The following KRTAP8-1 variants were observed in gnomAD, a reference collection of about 807,000 sequenced individuals.
The protein encoded by KRTAP8-1 is keratin-associated protein 8-1.
Under a neutral mutation model 5.5 loss-of-function variants are expected in KRTAP8-1, and 4 were observed. That is an observed-to-expected ratio of 0.73 (90% CI 0.36 to 1.67). The LOEUF (loss-of-function observed/expected upper bound fraction) is 1.67, where lower values mean the gene tolerates loss of function less well. Among genes scored for constraint, KRTAP8-1 ranks in the 40% most tolerant of loss-of-function variants. KRTAP8-1 has a pLI of 0.05. For missense variants in KRTAP8-1, 79 were observed against 80.3 expected, an observed-to-expected ratio of 0.98 and a Z score of 0.06; for synonymous variants, 35 against 34.6, an observed-to-expected ratio of 1.01 and a Z score of -0.04.
Position 30,813,157 on chromosome 21 carries a change from G to T in KRTAP8-1, c.64C>A (p.Pro22Thr). The change falls in exon 1 of 1, where the codon CCG (proline) becomes ACG (threonine). Residue 22 changes from proline (P) to threonine (T), a missense_variant. Physicochemically the swap from Pro to Thr is conservative, Grantham distance 38 (BLOSUM62 -1). Coordinates refer to ENST00000329621, the MANE Select transcript of KRTAP8-1 (RefSeq NM_175857.4). ...CCACAGCCAACGCTATATCCCAGCGGGTAGCCATAGCTGCCCCAGTAGCAT... is the reference window on the plus strand; with the variant it reads ...CCACAGCCAACGCTATATCCCAGCGTGTAGCCATAGCTGCCCCAGTAGCAT... ...PGCYWGSYGY[P>T]LGYSVGCGYG... 6.2e-7 allele frequency: 1 copy of T among 1,614,092 alleles called. No homozygotes were observed. Among genetic ancestry groups the T allele is most frequent in the East Asian group, 2.2e-5 (1 of 44,876 alleles).
In KRTAP8-1 at chr21:30,813,196, C is replaced by G; in HGVS notation, c.25G>C (p.Ala9Pro). Residue 9 changes from alanine (A) to proline (P), a missense_variant, in exon 1 of 1, where the codon GCT (alanine) becomes CCT (proline). Physicochemically the swap from Ala to Pro is conservative, Grantham distance 27. Transcript: ENST00000329621. Reference sequence around the variant, plus strand: ...CCCCAGTAGCATCCTGGGAAGACAGCCCCGGGGAAGTTGTCGCAGAGCATG... The same window carrying G: ...CCCCAGTAGCATCCTGGGAAGACAGGCCCGGGGAAGTTGTCGCAGAGCATG... MLCDNFPG[A>P]VFPGCYWGSY... is the part of the protein sequence containing the mutation. 1 of 1,613,934 alleles carries G rather than the reference C, an allele frequency of 6.2e-7. No individual in the cohort carries two copies. Among genetic ancestry groups the G allele is most frequent in the Non-Finnish European group, 8.5e-7 (1 of 1,179,894 alleles).
At position 30,813,070 on chromosome 21, in the gene KRTAP8-1, C is replaced by T. The variant is rs1568945121; in HGVS notation, c.151G>A (p.Ala51Thr). The T allele has an allele frequency of 6.2e-7, 1 of 1,614,058 alleles. No homozygotes were observed. The highest frequency in any genetic ancestry group is 8.5e-7 in the Non-Finnish European group (1 of 1,179,960). ...GGCGAGTATCTCCTGTAGCCGAAAG[C>T]CCCACAGCCGTTGTAGCCATAGCCG... Reference protein sequence around the residue: ...GFGYGYNGCGAFGYRRYSPFA... With the variant: ...GFGYGYNGCGTFGYRRYSPFA... The change falls in exon 1 of 1, where the codon GCT becomes ACT. Residue 51 changes from alanine (A) to threonine (T), a missense_variant. Ala to Thr is a moderately conservative substitution (Grantham distance 58). Transcript: ENST00000329621.
Position 30,813,081 on chromosome 21 carries a change from T to C in KRTAP8-1, c.140A>G (p.Asn47Ser), listed in dbSNP as rs750793465. The change falls in exon 1 of 1, where the codon AAC becomes AGC. Residue 47 changes from asparagine to serine, a missense_variant. Coordinates refer to ENST00000329621, the MANE Select transcript of KRTAP8-1 (RefSeq NM_175857.4). Reference protein sequence around the residue: ...PVGYGFGYGYNGCGAFGYRRY... With the variant: ...PVGYGFGYGYSGCGAFGYRRY... The stretch of plus-strand genomic sequence containing the variant: ...CCTGTAGCCGAAAGCCCCACAGCCG[T>C]TGTAGCCATAGCCGAAGCCATAGCC... 3.7e-6 allele frequency: 6 copies of C among 1,613,996 alleles called. No homozygotes were observed. In the East Asian group the frequency reaches 1.3e-4, roughly 36 times the overall value.
At position 30,812,738 on chromosome 21, in the gene KRTAP8-1, C is replaced by T. The variant is rs1383622489; in HGVS notation, c.*291G>A. 1.1e-5 allele frequency: 3 copies of T among 273,386 alleles called. No homozygotes were observed. Among genetic ancestry groups the T allele is most frequent in the Admixed American group, 9.8e-5 (2 of 20,376 alleles). 16.9% of individuals were successfully genotyped at this position (273,386 alleles called of 1,614,324 possible). ...TTTATTGAGATTTTGATAGACATAT[C>T]CATGACTTCATCACAAGTCATGAGT... On this transcript the variant is annotated 3_prime_UTR_variant, in exon 1 of 1. Transcript: ENST00000329621.
chr21:30,813,242 A>G lies in KRTAP8-1; in HGVS notation c.-22T>C, dbSNP rs1282076371. 5.0e-6 allele frequency: 8 copies of G among 1,610,336 alleles called. No homozygotes were observed. The highest frequency in any genetic ancestry group is 5.9e-6 in the Non-Finnish European group (7 of 1,177,874). On this transcript the variant is annotated 5_prime_UTR_variant, in exon 1 of 1. Transcript: ENST00000329621. ...GCATGGTGTCGGGAGTGGAGGGCTT[A>G]GGTAGCAACAGAGTGCGTTTCCTCA...
rs1049974780 is a variant in KRTAP8-1 at position 30,812,846 on chromosome 21, G to A, written c.*183C>T. 2.6e-5 allele frequency: 14 copies of A among 530,276 alleles called. No individual in the cohort carries two copies. The highest frequency in any genetic ancestry group is 2.3e-4 in the African/African-American group (12 of 51,982). The allele number at this position is 530,276 out of a possible 1,614,324, so 32.8% of individuals were successfully genotyped here. A position where few individuals can be genotyped will look rare whatever the true frequency, so the allele number is the denominator to read the frequency against. ...TCCCAGAGAACATCAGCCAGGGGAG[G>A]CAGCTTGAGGAAGCGTCTGCTTTTT... is the stretch of plus-strand genomic sequence containing the variant. On this transcript the variant is annotated 3_prime_UTR_variant, in exon 1 of 1. Coordinates refer to ENST00000329621, the MANE Select transcript of KRTAP8-1 (RefSeq NM_175857.4).
In KRTAP8-1 at chr21:30,812,872, C is replaced by A. The variant is rs1254395371; in HGVS notation, c.*157G>T. 1 of 673,588 alleles carries A rather than the reference C, an allele frequency of 1.5e-6. No homozygotes were observed. Among genetic ancestry groups the A allele is most frequent in the East Asian group, 3.0e-5 (1 of 33,730 alleles). 41.7% of individuals were successfully genotyped at this position (673,588 alleles called of 1,614,324 possible). Reference sequence around the variant, plus strand: ...CAGCTTGAGGAAGCGTCTGCTTTTTCATTTTCCTCCCCTGGGACTCGAGGT... The same window carrying A: ...CAGCTTGAGGAAGCGTCTGCTTTTTAATTTTCCTCCCCTGGGACTCGAGGT... On this transcript the variant is annotated 3_prime_UTR_variant, in exon 1 of 1. Transcript: ENST00000329621.
In KRTAP8-1 at chr21:30,812,918, T is replaced by C. The variant is rs1313135677; in HGVS notation, c.*111A>G. 16 of 1,047,720 alleles carry C rather than the reference T, an allele frequency of 1.5e-5. No individual in the cohort carries two copies. In the Middle Eastern group the frequency reaches 7.0e-4, roughly 46 times the overall value. The allele number at this position is 1,047,720 out of a possible 1,614,324, so 64.9% of individuals were successfully genotyped here. A position where few individuals can be genotyped will look rare whatever the true frequency, so the allele number is the denominator to read the frequency against. On this transcript the variant is annotated 3_prime_UTR_variant, in exon 1 of 1. Coordinates refer to ENST00000329621, the MANE Select transcript of KRTAP8-1 (RefSeq NM_175857.4). ...GAGGTAAGTTGGAAAGCAGTGTCTCTGAGGTTGATGAGCAAATGAGGACTG... is the reference window on the plus strand; with the variant it reads ...GAGGTAAGTTGGAAAGCAGTGTCTCCGAGGTTGATGAGCAAATGAGGACTG...
Position 30,812,826 on chromosome 21 carries a change from G to T in KRTAP8-1, c.*203C>A, listed in dbSNP as rs901359301. On this transcript the variant is annotated 3_prime_UTR_variant, in exon 1 of 1. Coordinates refer to ENST00000329621, the MANE Select transcript of KRTAP8-1 (RefSeq NM_175857.4). ...AGGTCAAATTTCCGAAAATGTCCCA[G>T]AGAACATCAGCCAGGGGAGGCAGCT... 12 of 493,502 alleles carry T rather than the reference G, an allele frequency of 2.4e-5. No homozygotes were observed. The highest frequency in any genetic ancestry group is 1.9e-4 in the African/African-American group (10 of 51,540). 30.6% of individuals were successfully genotyped at this position (493,502 alleles called of 1,614,324 possible). A position where few individuals can be genotyped will look rare whatever the true frequency, so the allele number is the denominator to read the frequency against.
chr21:30,812,996 GAGA>G lies in KRTAP8-1; in HGVS notation c.*30_*32del. On this transcript the variant is annotated 3_prime_UTR_variant, in exon 1 of 1. Coordinates refer to ENST00000329621, the MANE Select transcript of KRTAP8-1 (RefSeq NM_175857.4). Reference sequence around the variant, plus strand: ...GATGTGGGGCTCAGCCTTCAAGGGAGAGAAGATGCTACACCTCGGGGATTTCAG... The same window carrying G: ...GATGTGGGGCTCAGCCTTCAAGGGAGAGATGCTACACCTCGGGGATTTCAG... 1 of 1,599,728 alleles carries G rather than the reference GAGA, an allele frequency of 6.3e-7. No homozygotes were observed. Among genetic ancestry groups the G allele is most frequent in the Non-Finnish European group, 8.5e-7 (1 of 1,171,840 alleles).
At position 30,813,200 on chromosome 21, in the gene KRTAP8-1, G is replaced by C. The variant is rs763870044; in HGVS notation, c.21C>G (p.Pro7=). MLCDNF[P]GAVFPGCYWG... ...AGTAGCATCCTGGGAAGACAGCCCC[G>C]GGGAAGTTGTCGCAGAGCATGGTGT... The change falls in exon 1 of 1, where the codon CCC becomes CCG. Residue 7 remains proline (P), a synonymous_variant. Coordinates refer to ENST00000329621, the MANE Select transcript of KRTAP8-1 (RefSeq NM_175857.4). 10 of 1,613,846 alleles carry C rather than the reference G, an allele frequency of 6.2e-6. No individual in the cohort carries two copies. In the Admixed American group the frequency reaches 1.7e-4, roughly 27 times the overall value.
chr21:30,812,721 G>T lies in KRTAP8-1; in HGVS notation c.*308C>A, dbSNP rs932400069. 4.9e-6 allele frequency: 1 copy of T among 204,540 alleles called. No individual in the cohort carries two copies. Among genetic ancestry groups the T allele is most frequent in the Non-Finnish European group, 9.5e-6 (1 of 105,708 alleles). The allele number at this position is 204,540 out of a possible 1,614,324, so 12.7% of individuals were successfully genotyped here. On this transcript the variant is annotated 3_prime_UTR_variant, in exon 1 of 1. Coordinates refer to ENST00000329621, the MANE Select transcript of KRTAP8-1 (RefSeq NM_175857.4). ...ATACCAGCTGAGACAAATTTATTGA[G>T]ATTTTGATAGACATATCCATGACTT...
chr21:30,813,229 G>C lies in KRTAP8-1; in HGVS notation c.-9C>G. On this transcript the variant is annotated 5_prime_UTR_variant, in exon 1 of 1. Transcript: ENST00000329621. ...AAGTTGTCGCAGAGCATGGTGTCGG[G>C]AGTGGAGGGCTTAGGTAGCAACAGA... 6.2e-7 allele frequency: 1 copy of C among 1,613,332 alleles called. No individual in the cohort carries two copies. The highest frequency in any genetic ancestry group is 1.1e-5 in the South Asian group (1 of 91,002).
Position 30,812,777 on chromosome 21 carries a change from CA to C in KRTAP8-1, c.*251del, listed in dbSNP as rs1299486974. The C allele has an allele frequency of 1.6e-5, 6 of 385,688 alleles. No individual in the cohort carries two copies. In the East Asian group the frequency reaches 2.5e-4, roughly 16 times the overall value. 23.9% of individuals were successfully genotyped at this position (385,688 alleles called of 1,614,324 possible). A position where few individuals can be genotyped will look rare whatever the true frequency, so the allele number is the denominator to read the frequency against. ...CAAGTCATGAGTGTCATGGAAAATT[CA>C]AAAGTAGCTCATGACAAGTGGGAGG... is the stretch of plus-strand genomic sequence containing the variant. On this transcript the variant is annotated 3_prime_UTR_variant, in exon 1 of 1. Transcript: ENST00000329621.
chr21:30,813,130 A>T lies in KRTAP8-1; in HGVS notation c.91T>A (p.Tyr31Asn), dbSNP rs1331114074. The change falls in exon 1 of 1, where the codon TAT becomes AAT. Residue 31 changes from tyrosine to asparagine, a missense_variant. Coordinates refer to ENST00000329621, the MANE Select transcript of KRTAP8-1 (RefSeq NM_175857.4). The part of the protein sequence containing the change: ...YPLGYSVGCG[Y>N]GSTYSPVGYG... ...CCCACTGGAGAGTAGGTGCTGCCAT[A>T]GCCACAGCCAACGCTATATCCCAGC... 1.2e-6 allele frequency: 2 copies of T among 1,613,770 alleles called. No homozygotes were observed. Among genetic ancestry groups the T allele is most frequent in the Non-Finnish European group, 1.7e-6 (2 of 1,179,750 alleles).
rs1987514074 is a variant in KRTAP8-1, at chr21:30,813,035, G to A, written c.186C>T (p.Leu62=). Reference sequence around the variant, plus strand: ...CCTCGGGGATTTCAGCCAATCAGTAGAGAGCAAATGGCGAGTATCTCCTGT... The same window carrying A: ...CCTCGGGGATTTCAGCCAATCAGTAAAGAGCAAATGGCGAGTATCTCCTGT... The part of the protein sequence containing the change: ...FGYRRYSPFA[L]Y Residue 62 remains leucine, a synonymous_variant, in exon 1 of 1, where the codon CTC becomes CTT. Coordinates refer to ENST00000329621, the MANE Select transcript of KRTAP8-1 (RefSeq NM_175857.4). 2 of 1,613,868 alleles carry A rather than the reference G, an allele frequency of 1.2e-6. No homozygotes were observed. The highest frequency in any genetic ancestry group is 1.7e-6 in the Non-Finnish European group (2 of 1,179,836).
At position 30,813,065 on chromosome 21, in the gene KRTAP8-1, G is replaced by C. The variant is rs201803377; in HGVS notation, c.156C>G (p.Phe52Leu). ...FGYGYNGCGA[F>L]GYRRYSPFAL... ...CAAATGGCGAGTATCTCCTGTAGCC[G>C]AAAGCCCCACAGCCGTTGTAGCCAT... Residue 52 changes from phenylalanine (F) to leucine (L), a missense_variant, in exon 1 of 1, where the codon TTC becomes TTG. Coordinates refer to ENST00000329621, the MANE Select transcript of KRTAP8-1 (RefSeq NM_175857.4). 6.2e-7 allele frequency: 1 copy of C among 1,613,942 alleles called. No individual in the cohort carries two copies. The highest frequency in any genetic ancestry group is 1.3e-5 in the African/African-American group (1 of 74,910).
chr21:30,812,966 C>T lies in KRTAP8-1; in HGVS notation c.*63G>A. On this transcript the variant is annotated 3_prime_UTR_variant, in exon 1 of 1. Transcript: ENST00000329621. ...CTGAAGGAGTGGATACGGGGGGAAC[C>T]TGGAGATGTGGGGCTCAGCCTTCAA... 1.3e-6 allele frequency: 2 copies of T among 1,518,504 alleles called. No homozygotes were observed. The highest frequency in any genetic ancestry group is 1.8e-6 in the Non-Finnish European group (2 of 1,114,518). The allele number at this position is 1,518,504 out of a possible 1,614,324, so 94.1% of individuals were successfully genotyped here.
chr21:30,812,877 T>C lies in KRTAP8-1; in HGVS notation c.*152A>G. The stretch of plus-strand genomic sequence containing the variant: ...TGAGGAAGCGTCTGCTTTTTCATTT[T>C]CCTCCCCTGGGACTCGAGGTAAGTT... On this transcript the variant is annotated 3_prime_UTR_variant, in exon 1 of 1. Transcript: ENST00000329621. The C allele has an allele frequency of 1.5e-6, 1 of 689,094 alleles. No homozygotes were observed. Among genetic ancestry groups the C allele is most frequent in the Non-Finnish European group, 2.2e-6 (1 of 447,818 alleles). The allele number at this position is 689,094 out of a possible 1,614,324, so 42.7% of individuals were successfully genotyped here.
Sources: gnomAD v4.1 joint callset for allele counts on GRCh38, gnomAD v4.1.1 for gene constraint, MANE v1.5 for transcripts, NCBI Gene and HGNC (gene_info 2026-07-23, HGNC 2026-07-21) for gene names.